Variants in UST observed in about 807,000 individuals in gnomAD.
UST encodes the protein chondroitin sulfate 2-O-sulfotransferase.
In UST, 21 loss-of-function variants were observed where a neutral mutation model predicts 45.6. That is an observed-to-expected ratio of 0.46 (90% CI 0.33 to 0.66). UST has a LOEUF of 0.66. UST is among the 30% of genes least tolerant of loss of function. The probability of loss-of-function intolerance (pLI) is 0.02; values close to 1 mark genes in which losing one functional copy is unlikely to be tolerated. For missense variants in UST, 463 were observed against 512.4 expected (o/e 0.90, Z 0.93); for synonymous variants, 215 against 200.6 (o/e 1.07, Z -0.61).
intron 2 of UST, among the ~76,000 whole-genome samples, chr6:148,894,672 C>G (rs183670611): frequency 6.6e-6 from 1 of 152,108 alleles, no homozygotes; most frequent in East Asian, 1.9e-4. Context: ...TTACAGCAGC[C>G]CCAGGTAGCA....
chr6:148,857,762 CAAAAAAAAA>C (rs35774834), intron 1 of UST, among the ~76,000 whole-genome samples: 3 of 120,462 alleles, frequency 2.5e-5, no homozygotes, highest in Admixed American at 8.4e-5. Context: ...GTCTCCATCT[CAAAAAAAAA>C]AAAAAAAAAT....
intron 1 of UST, among the ~76,000 whole-genome samples, chr6:148,822,556 T>G (rs1262759641): frequency 6.6e-6 from 1 of 152,222 alleles, no homozygotes; most frequent in African/African-American, 2.4e-5. Flanking sequence ...GAATATAGTA[T>G]TCTGCATAGT....
intron 4 of UST, among the ~76,000 whole-genome samples, chr6:148,954,814 G>C (rs1433038378): frequency 6.6e-6 from 1 of 152,212 alleles, no homozygotes; most frequent in Non-Finnish European, 1.5e-5. Context: ...GTGGTCTTCT[G>C]ATAACAATGC....
chr6:149,013,560 G>C (rs1775851042), intron 5 of UST, among the ~76,000 whole-genome samples: 1 of 152,114 alleles, frequency 6.6e-6, no homozygotes, highest in Non-Finnish European at 1.5e-5. Flanking sequence ...TTGGTACCAG[G>C]TACGTCCATC....
intron 5 of UST, among the ~76,000 whole-genome samples, chr6:149,007,286 A>AT (rs758579779): frequency 0.04 from 3,653 of 91,188 alleles, 384 homozygotes; most frequent in African/African-American, 0.15. Context: ...CACCCGACCA[A>AT]TTTTTTTTTT....
chr6:148,848,390 A>C (rs902774090), intron 1 of UST, among the ~76,000 whole-genome samples: 4 of 152,192 alleles, frequency 2.6e-5, no homozygotes, highest in Non-Finnish European at 5.9e-5. Context: ...AACATGATTA[A>C]GGCTGGGCAT....
At chr6:148,809,259 A>T (rs189009958) in intron 1 of UST, among the ~76,000 whole-genome samples, 1 of 152,054 alleles carries the variant, frequency 6.6e-6, no homozygotes, top group African/African-American at 2.4e-5. Context: ...GTGTTTGGGG[A>T]TCTCAGAAGT....
intron 2 of UST, among the ~76,000 whole-genome samples, chr6:148,921,650 A>ATTCT (rs1779709000): frequency 1.3e-5 from 2 of 152,164 alleles, no homozygotes; most frequent in South Asian, 4.1e-4. Context: ...AGACCCACCA[A>ATTCT]GCTTTCTGCA....
At chr6:149,022,415 C>T (rs1360857924) in intron 7 of UST, among the ~76,000 whole-genome samples, 1 of 152,006 alleles carries the variant, frequency 6.6e-6, no homozygotes, top group African/African-American at 2.4e-5. Context: ...GCCTGGCCAA[C>T]ACGGAGAAAC....
At position 148,765,283 on chromosome 6, in the gene UST, G is replaced by C. The variant is rs138377361; in HGVS notation, c.247+17606G>C. Reference sequence around the variant, plus strand: ...TACGATCAGTTGGTTGTAGGTATGTGGCTTTATTTCTGGGTTCTCTACTGT... The same window carrying C: ...TACGATCAGTTGGTTGTAGGTATGTCGCTTTATTTCTGGGTTCTCTACTGT... On this transcript the variant is annotated intron_variant, in intron 1 of 7. Coordinates refer to ENST00000367463, the MANE Select transcript of UST (RefSeq NM_005715.3). Among the ~76,000 whole-genome samples the C allele has an allele frequency of 2.2e-4, 33 of 152,180 alleles. No individual in the cohort carries two copies. The East Asian group carries it at 5.8e-3, about 27-fold the overall frequency.
At chr6:148,970,519 G>T (rs1780893607) in intron 5 of UST, among the ~76,000 whole-genome samples, 1 of 152,140 alleles carries the variant, frequency 6.6e-6, no homozygotes, top group Non-Finnish European at 1.5e-5. Context: ...GGGCTTACGA[G>T]TCACCCAGGT....
intron 4 of UST, among the ~76,000 whole-genome samples, chr6:148,954,710 A>G (rs533034056): frequency 2.2e-4 from 34 of 152,346 alleles, no homozygotes; most frequent in African/African-American, 7.5e-4. Context: ...CCTGACATTA[A>G]GCAATGCGTG....
intron 7 of UST, among the ~76,000 whole-genome samples, chr6:149,037,482 T>G (rs964450235): frequency 2.7e-5 from 4 of 150,804 alleles, no homozygotes; most frequent in African/African-American, 9.8e-5. Context: ...GGGGAGGGGG[T>G]TTTCCCCAGC....
chr6:148,971,379 C>T (rs1425803079), intron 5 of UST, among the ~76,000 whole-genome samples: 2 of 152,190 alleles, frequency 1.3e-5, no homozygotes. Context: ...TGTCAGTCCT[C>T]ATGGAGCTCA....
At chr6:148,887,822 C>G (rs1778940022) in intron 2 of UST, among the ~76,000 whole-genome samples, 1 of 152,128 alleles carries the variant, frequency 6.6e-6, no homozygotes, top group South Asian at 2.1e-4. Flanking sequence ...CTATCTGTCA[C>G]TTCAAGAATG....
intron 2 of UST, among the ~76,000 whole-genome samples, chr6:148,921,484 G>A (rs754783217): frequency 8.5e-5 from 13 of 152,186 alleles, no homozygotes; most frequent in Non-Finnish European, 1.3e-4. Context: ...CATTCCATCC[G>A]TATGGGGAGA....
intron 3 of UST, among the ~76,000 whole-genome samples, chr6:148,946,275 G>C (rs1482827196): frequency 6.6e-6 from 1 of 152,160 alleles, no homozygotes; most frequent in Non-Finnish European, 1.5e-5. Flanking sequence ...ACTCTGGGAG[G>C]CCGAGGCGGT....
intron 5 of UST, among the ~76,000 whole-genome samples, chr6:149,012,605 TA>T (rs1663664512): frequency 6.6e-6 from 1 of 152,346 alleles, no homozygotes; most frequent in South Asian, 2.1e-4. Context: ...AAGAGCTTTT[TA>T]TATCATCGTG....
intron 7 of UST, among the ~76,000 whole-genome samples, chr6:149,040,969 C>T (rs1338299854): frequency 6.6e-6 from 1 of 152,220 alleles, no homozygotes; most frequent in Non-Finnish European, 1.5e-5. Flanking sequence ...CTGTGAGATA[C>T]AGCCTGTGCA....
Sources: gnomAD v4.1 joint callset for allele counts (sites outside exome capture counted in the v4.1 genomes callset) on GRCh38, gnomAD v4.1.1 for gene constraint, MANE v1.5 for transcripts, NCBI Gene and HGNC (gene_info 2026-07-23, HGNC 2026-07-21) for gene names.